EXD1: variants seen among roughly 807,000 people sequenced by gnomAD.
The protein encoded by EXD1 is piRNA biogenesis protein EXD1.
In EXD1, 63 loss-of-function variants were observed where a neutral mutation model predicts 49.1. That is an observed-to-expected ratio of 1.28 (90% CI 1.05 to 1.58). The LOEUF (loss-of-function observed/expected upper bound fraction) is 1.58, where lower values mean the gene tolerates loss of function less well. Among genes scored for constraint, EXD1 ranks in the 40% most tolerant of loss-of-function variants. The pLI is 0.00. For synonymous variants in EXD1, 234 were observed against 239.2 expected (o/e 0.98, Z 0.20); for missense variants, 748 against 666.0 (o/e 1.12, Z -1.36).
chr15:41,195,397 G>A (rs1389225652), intron 9 of EXD1, among the ~76,000 whole-genome samples: 1 of 152,052 alleles, frequency 6.6e-6, no homozygotes, highest in Non-Finnish European at 1.5e-5. Context: ...TGCCTTAATT[G>A]TCACATATGT....
At position 41,191,489 on chromosome 15, in the gene EXD1, C is replaced by T; in HGVS notation, c.817G>A (p.Ala273Thr). The T allele has an allele frequency of 6.2e-7, 1 of 1,613,140 alleles. No homozygotes were observed. Among genetic ancestry groups the T allele is most frequent in the Non-Finnish European group, 8.5e-7 (1 of 1,179,218 alleles). Reference protein sequence around the residue: ...QESLIKHLQVAPKYLSFLEKR... With the variant: ...QESLIKHLQVTPKYLSFLEKR... ...TCTAGAAAGGAGAGATATTTAGGGG[C>T]TACTTGAAGGTGTTTGATTAAACTC... is the stretch of plus-strand genomic sequence containing the variant. Residue 273 changes from alanine (A) to threonine (T), a missense_variant, in exon 10 of 12, where the codon GCC becomes ACC. Coordinates refer to ENST00000458580, the MANE Select transcript of EXD1 (RefSeq NM_001286441.2).
intron 7 of EXD1, among the ~76,000 whole-genome samples, chr15:41,203,210 G>A (rs1177174830): frequency 6.6e-6 from 1 of 152,064 alleles, no homozygotes; most frequent in Non-Finnish European, 1.5e-5. Flanking sequence ...GGAAACAGGG[G>A]AATGGGCTGA....
intron 1 of EXD1, among the ~76,000 whole-genome samples, chr15:41,226,872 A>T (rs1039574976): frequency 1.3e-5 from 2 of 152,228 alleles, no homozygotes; most frequent in Non-Finnish European, 2.9e-5. Flanking sequence ...GCATGATATC[A>T]TCTTTCCTTC....
intron 3 of EXD1, 89 bp from the exon 4 acceptor site, chr15:41,217,243 G>T: frequency 1.9e-6 from 2 of 1,052,664 alleles, no homozygotes; most frequent in Non-Finnish European, 1.4e-6. Context: ...GTTTAACCAT[G>T]TACTGCAAAC....
At chr15:41,188,569 T>G (rs999253661) in intron 11 of EXD1, among the ~76,000 whole-genome samples, 5 of 151,814 alleles carry the variant, frequency 3.3e-5, no homozygotes, top group Admixed American at 2.6e-4. Context: ...ATTTCTGTAT[T>G]TTTTGTAGAG....
intron 9 of EXD1, among the ~76,000 whole-genome samples, 171 bp from the exon 10 acceptor site, chr15:41,191,756 A>AG (rs1170984485): frequency 1.3e-5 from 2 of 151,794 alleles, no homozygotes; most frequent in African/African-American, 2.4e-5. Flanking sequence ...CTGAAAAATG[A>AG]GAAAAAAAAA....
intron 7 of EXD1, among the ~76,000 whole-genome samples, chr15:41,197,786 G>A (rs535192500): frequency 1.5e-4 from 22 of 146,926 alleles, no homozygotes; most frequent in African/African-American, 5.4e-4. Flanking sequence ...ACCACACCTG[G>A]CTAATTTTTT....
chr15:41,222,397 T>G (rs912950005), intron 2 of EXD1, among the ~76,000 whole-genome samples: 1 of 152,074 alleles, frequency 6.6e-6, no homozygotes, highest in Admixed American at 6.6e-5. Flanking sequence ...ATTATAGGCA[T>G]GAGCCACAGC....
intron 1 of EXD1, among the ~76,000 whole-genome samples, chr15:41,228,004 C>T (rs1171462865): frequency 1.3e-5 from 2 of 152,082 alleles, no homozygotes; most frequent in African/African-American, 2.4e-5. Context: ...GAGCCAAGAT[C>T]GCGCCATTGC....
chr15:41,199,360 T>C (rs1231867113), intron 7 of EXD1, among the ~76,000 whole-genome samples: 1 of 151,552 alleles, frequency 6.6e-6, no homozygotes, highest in Non-Finnish European at 1.5e-5. Flanking sequence ...AGTGCTGGGA[T>C]TACAGGCATG....
intron 6 of EXD1, among the ~76,000 whole-genome samples, chr15:41,210,650 C>T (rs1433712543): frequency 6.7e-6 from 1 of 149,442 alleles, no homozygotes; most frequent in Non-Finnish European, 1.5e-5. Context: ...TGATGATGCA[C>T]TTCAGCCTGT....
intron 11 of EXD1, among the ~76,000 whole-genome samples, chr15:41,187,145 A>G (rs1452703436): frequency 6.6e-6 from 1 of 151,840 alleles, no homozygotes; most frequent in Non-Finnish European, 1.5e-5. Context: ...GGGCCTCCCA[A>G]AGTGCTGGGA....
Position 41,230,707 on chromosome 15 carries a change from G to T in EXD1, c.-282C>A. The T allele has an allele frequency of 1.4e-6, 1 of 715,464 alleles. No individual in the cohort carries two copies. Among genetic ancestry groups the T allele is most frequent in the Non-Finnish European group, 2.3e-6 (1 of 444,432 alleles). 44.3% of individuals were successfully genotyped at this position (715,464 alleles called of 1,614,324 possible). ...CTGGAGAAAGGTCCGCGACGCCGGG[G>T]ACACACGCCGCAGAGGCGACGCCCG... On this transcript the variant is annotated 5_prime_UTR_variant, in exon 1 of 12. Coordinates refer to ENST00000458580, the MANE Select transcript of EXD1 (RefSeq NM_001286441.2).
Position 41,226,481 on chromosome 15 carries a change from T to C in EXD1, c.95A>G (p.Gln32Arg). 4.6e-6 allele frequency: 7 copies of C among 1,536,080 alleles called. No homozygotes were observed. Among genetic ancestry groups the C allele is most frequent in the Non-Finnish European group, 6.1e-6 (7 of 1,146,896 alleles). Residue 32 changes from glutamine to arginine, a missense_variant, in exon 2 of 12, where the codon CAG (glutamine) becomes CGG (arginine). Transcript: ENST00000458580. ...AACAATCTTATTAGGGTCAACATGC[T>C]GAAGCACACCCTCGAAGACACCACA... is the stretch of plus-strand genomic sequence containing the variant. The part of the protein sequence containing the change: ...LVCGVFEGVL[Q>R]HVDPNKIVVL...
chr15:41,186,064 A>G (rs974941749), intron 11 of EXD1, among the ~76,000 whole-genome samples: 4 of 152,164 alleles, frequency 2.6e-5, no homozygotes, highest in African/African-American at 9.7e-5. Context: ...TAGTGGTGAT[A>G]GTCACAATTT....
chr15:41,189,592 G>A (rs1254088624), intron 11 of EXD1, among the ~76,000 whole-genome samples: 6 of 151,980 alleles, frequency 3.9e-5, no homozygotes, highest in African/African-American at 1.5e-4. Context: ...GAACCCAGGA[G>A]GCGGAGTTTT....
At chr15:41,199,753 A>AATATATCGTATATG (rs1326775145) in intron 7 of EXD1, among the ~76,000 whole-genome samples, 2 of 96,890 alleles carry the variant, frequency 2.1e-5, no homozygotes, top group South Asian at 3.3e-4. Flanking sequence ...TATATTATAT[A>AATATATCGTATATG]TGATACATAT....
intron 9 of EXD1, chr15:41,191,815 C>T (rs1460665810): frequency 7.0e-6 from 3 of 426,956 alleles, no homozygotes; most frequent in African/African-American, 2.0e-5. Context: ...CTCGCTCTGT[C>T]GCTCAGGCTG....
Position 41,219,885 on chromosome 15 carries a change from CT to C in EXD1, c.146del (p.Glu49GlyfsTer9), listed in dbSNP as rs1399898851. 2 of 1,535,270 alleles carry C rather than the reference CT, an allele frequency of 1.3e-6. No individual in the cohort carries two copies. Among genetic ancestry groups the C allele is most frequent in the Non-Finnish European group, 1.7e-6 (2 of 1,146,608 alleles). On this transcript the variant is annotated frameshift_variant, in exon 3 of 12. Transcript: ENST00000458580. LOFTEE classifies it high-confidence loss of function. Reference protein sequence around the residue: ...IVVLKKVKNVETGRSVPGVKL... With the variant: ...IVVLKKVKNVXTGRSVPGVKL... The stretch of plus-strand genomic sequence containing the variant: ...TCACTCCTGGGACACTTCGACCTGT[CT>C]CCACATTCTTCACTGTTACAGAAAA...
Sources: allele counts gnomAD v4.1 joint callset (sites outside exome capture counted in the v4.1 genomes callset), GRCh38; gene constraint gnomAD v4.1.1; transcripts MANE v1.5; gene names NCBI Gene and HGNC (gene_info 2026-07-23, HGNC 2026-07-21).